The following NCEH1 variants were observed in gnomAD, a reference collection of about 807,000 sequenced individuals.
NCEH1 encodes 2-acetyl MAGE hydrolase.
A neutral mutation model predicts 25.4 loss-of-function variants in NCEH1; 9 were observed. The observed-to-expected ratio is 0.35, with a 90% CI of 0.21 to 0.62. The LOEUF is 0.62. NCEH1 is among the 20% of genes least tolerant of loss of function. The pLI, the probability that NCEH1 is intolerant of heterozygous loss-of-function variation, is 0.72. For synonymous variants in NCEH1, 200 were observed against 199.8 expected (o/e 1.00, Z -0.01); for missense variants, 412 against 501.1 (o/e 0.82, Z 1.70).
At chr3:172,675,436 A>G (rs1711939541) in intron 1 of NCEH1, among the ~76,000 whole-genome samples, 2 of 141,588 alleles carry the variant, frequency 1.4e-5, no homozygotes, top group Admixed American at 1.4e-4. Context: ...ATTTTTAAAA[A>G]ATTTTACAAA....
In NCEH1 at chr3:172,633,694, G is replaced by T; in HGVS notation, c.1008C>A (p.Leu336=). Residue 336 remains leucine, a synonymous_variant, in exon 5 of 5, where the codon CTC becomes CTA. Coordinates refer to ENST00000475381, the MANE Select transcript of NCEH1 (RefSeq NM_020792.6). The part of the protein sequence containing the change: ...PLIADQAVLQ[L]LPKTYILTCE... The stretch of plus-strand genomic sequence containing the variant: ...ACGTCAGAATGTAGGTCTTTGGGAG[G>T]AGCTGCAGCACTGCCTGGTCTGCAA... The T allele has an allele frequency of 6.2e-7, 1 of 1,614,216 alleles. No individual in the cohort carries two copies. The highest frequency in any genetic ancestry group is 8.5e-7 in the Non-Finnish European group (1 of 1,180,038).
In NCEH1 at chr3:172,660,239, C is replaced by T. The variant is rs138273098; in HGVS notation, c.139-12125G>A. Among the ~76,000 whole-genome samples, 718 of 151,094 alleles carry T rather than the reference C, an allele frequency of 4.8e-3. 8 individuals are homozygous for T. Among genetic ancestry groups the T allele is most frequent in the African/African-American group, 0.015 (607 of 41,272 alleles). ...GAACATGCAGTGTTTGGTTTTCTGTCCTTGCAACAGTTTGCTCAGAATGAT... is the reference window on the plus strand; with the variant it reads ...GAACATGCAGTGTTTGGTTTTCTGTTCTTGCAACAGTTTGCTCAGAATGAT... On this transcript the variant is annotated intron_variant, in intron 1 of 4. Transcript: ENST00000475381.
chr3:172,640,750 G>A (rs931399346), intron 3 of NCEH1, among the ~76,000 whole-genome samples: 4 of 152,034 alleles, frequency 2.6e-5, no homozygotes, highest in Non-Finnish European at 4.4e-5. Context: ...CTCGTGATCC[G>A]CTCGCCTCAG....
chr3:172,696,731 C>G (rs900578779), intron 1 of NCEH1, among the ~76,000 whole-genome samples: 1 of 152,126 alleles, frequency 6.6e-6, no homozygotes, highest in Non-Finnish European at 1.5e-5. Context: ...AATATACCAT[C>G]AGTTTCATGA....
intron 1 of NCEH1, among the ~76,000 whole-genome samples, chr3:172,704,296 G>A (rs1713859400): frequency 6.6e-6 from 1 of 152,162 alleles, no homozygotes. Context: ...GAAACAGGGG[G>A]AACACTCAGC....
chr3:172,696,446 G>A (rs964849860), intron 1 of NCEH1, among the ~76,000 whole-genome samples: 1 of 152,210 alleles, frequency 6.6e-6, no homozygotes, highest in African/African-American at 2.4e-5. Flanking sequence ...TTTCTCGTGT[G>A]CCAGGTATTG....
intron 1 of NCEH1, among the ~76,000 whole-genome samples, chr3:172,687,057 G>C (rs1712738934): frequency 6.6e-6 from 1 of 152,208 alleles, no homozygotes. Flanking sequence ...CAATAATGGT[G>C]AGAATTAAAG....
intron 1 of NCEH1, among the ~76,000 whole-genome samples, chr3:172,674,163 T>G (rs1049979402): frequency 1.3e-5 from 2 of 152,178 alleles, no homozygotes; most frequent in Non-Finnish European, 2.9e-5. Context: ...GTGAGTAGGC[T>G]GAGCACATTG....
At chr3:172,670,247 G>A (rs57039538) in intron 1 of NCEH1, among the ~76,000 whole-genome samples, 16,111 of 152,176 alleles carry the variant, frequency 0.11, 2,659 homozygotes, top group African/African-American at 0.35. Context: ...TCAGCTGAAA[G>A]CAAAGAGGTT....
At position 172,711,014 on chromosome 3, in the gene NCEH1, G is replaced by A. The variant is rs1714286454; in HGVS notation, c.-30C>T. The A allele has an allele frequency of 2.5e-6, 4 of 1,613,722 alleles. No individual in the cohort carries two copies. Among genetic ancestry groups the A allele is most frequent in the African/African-American group, 2.7e-5 (2 of 74,942 alleles). ...CCCTGGCTCGGCTCGCCAGCGGGCT[G>A]GCAAAGAGGAAAGGGCGATACCACC... On this transcript the variant is annotated 5_prime_UTR_variant, in exon 1 of 5. Transcript: ENST00000475381.
At chr3:172,634,362 G>A (rs1476411542) in intron 4 of NCEH1, among the ~76,000 whole-genome samples, 1 of 152,080 alleles carries the variant, frequency 6.6e-6, no homozygotes. Context: ...TCTATCTTTA[G>A]GCAGTTAAGA....
intron 1 of NCEH1, among the ~76,000 whole-genome samples, chr3:172,685,628 T>G (rs1712653437): frequency 6.6e-6 from 1 of 152,212 alleles, no homozygotes; most frequent in South Asian, 2.1e-4. Flanking sequence ...TAGTTCCAGT[T>G]TATCTCAATG....
chr3:172,651,979 A>G (rs77147981), intron 1 of NCEH1, among the ~76,000 whole-genome samples: 1 of 152,350 alleles, frequency 6.6e-6, no homozygotes, highest in East Asian at 1.9e-4. Flanking sequence ...AGTGTTGCAG[A>G]GGAAATGAGG....
At chr3:172,682,201 AAAC>A (rs539844997) in intron 1 of NCEH1, among the ~76,000 whole-genome samples, 274 of 152,286 alleles carry the variant, frequency 1.8e-3, no homozygotes, top group African/African-American at 6.2e-3. Context: ...GAGTTTAGGG[AAAC>A]AACATGCTTG....
rs147497879 is a variant in NCEH1 at position 172,679,915 on chromosome 3, G to A, written c.138+30932C>T. On this transcript the variant is annotated intron_variant, in intron 1 of 4. Transcript: ENST00000475381. ...GAGGGCCAGGTTTTTTGCAGGCTACGTGAATGACACACCTGGTCAAACCAA... is the reference window on the plus strand; with the variant it reads ...GAGGGCCAGGTTTTTTGCAGGCTACATGAATGACACACCTGGTCAAACCAA... Among the ~76,000 whole-genome samples the A allele has an allele frequency of 1.2e-3, 176 of 152,228 alleles. 1 individual carries two copies. Among genetic ancestry groups the A allele is most frequent in the African/African-American group, 3.7e-3 (155 of 41,536 alleles).
intron 1 of NCEH1, among the ~76,000 whole-genome samples, chr3:172,703,845 A>G (rs1220758795): frequency 6.6e-6 from 1 of 152,236 alleles, no homozygotes; most frequent in African/African-American, 2.4e-5. Flanking sequence ...GCAGAGACCA[A>G]CTCAGGTTGT....
At chr3:172,675,734 G>A (rs976172606) in intron 1 of NCEH1, among the ~76,000 whole-genome samples, 3 of 152,120 alleles carry the variant, frequency 2.0e-5, no homozygotes, top group Non-Finnish European at 4.4e-5. Context: ...CTGTTCTCAA[G>A]GAAAATGTTA....
rs1713476046 is a variant in NCEH1, at chr3:172,698,097, C to T, written c.138+12750G>A. Among the ~76,000 whole-genome samples, 2 of 151,644 alleles carry T rather than the reference C, an allele frequency of 1.3e-5. 1 individual carries two copies. Among genetic ancestry groups the T allele is most frequent in the South Asian group, 4.2e-4 (2 of 4,812 alleles). On this transcript the variant is annotated intron_variant, in intron 1 of 4. Coordinates refer to ENST00000475381, the MANE Select transcript of NCEH1 (RefSeq NM_020792.6). ...GTTCAAGCGACTCTCCTGCCTCAGC[C>T]TTCCAAGTAGCTGGGATTACAGGCA...
chr3:172,679,675 A>T (rs117960892), intron 1 of NCEH1, among the ~76,000 whole-genome samples: 1 of 152,108 alleles, frequency 6.6e-6, no homozygotes, highest in East Asian at 1.9e-4. Context: ...CCCCTGAATC[A>T]TCTCTTTTAT....
Sources: gnomAD v4.1 joint callset for allele counts (sites outside exome capture counted in the v4.1 genomes callset) on GRCh38, gnomAD v4.1.1 for gene constraint, MANE v1.5 for transcripts, NCBI Gene and HGNC (gene_info 2026-07-23, HGNC 2026-07-21) for gene names.